Variants in DCC observed in about 807,000 individuals in gnomAD.
The protein encoded by DCC is DCC netrin 1 receptor.
Under a neutral mutation model 172.5 loss-of-function variants are expected in DCC, and 58 were observed. The ratio of observed to expected loss-of-function variants is 0.34; its 90% CI spans 0.27 to 0.42. DCC has a LOEUF of 0.42. DCC is among the 10% of genes least tolerant of loss of function. The pLI is 1.00. For synonymous variants in DCC, 709 were observed against 644.5 expected (o/e 1.10, Z -1.52); for missense variants, 1,740 against 1,791.0 (o/e 0.97, Z 0.51).
chr18:52,983,267 C>T (rs933977078), intron 5 of DCC, among the ~76,000 whole-genome samples: 1 of 152,094 alleles, frequency 6.6e-6, no homozygotes, highest in Non-Finnish European at 1.5e-5. Context: ...GGGGCAAAGA[C>T]ATTTACAAGA....
chr18:52,753,388 AAACAAAAC>A (rs2037030205), intron 2 of DCC, among the ~76,000 whole-genome samples: 1 of 152,202 alleles, frequency 6.6e-6, no homozygotes, highest in Non-Finnish European at 1.5e-5. Context: ...TTATTTTTTT[AAACAAAAC>A]TGTTTCAAGT....
At chr18:52,963,352 T>C (rs1041396071) in intron 5 of DCC, among the ~76,000 whole-genome samples, 5 of 151,928 alleles carry the variant, frequency 3.3e-5, no homozygotes, top group African/African-American at 1.2e-4. Flanking sequence ...GAGAATGATA[T>C]TAAATTGATA....
chr18:53,359,827 C>G (rs1045978714), intron 15 of DCC, among the ~76,000 whole-genome samples: 2 of 152,094 alleles, frequency 1.3e-5, no homozygotes, highest in Non-Finnish European at 2.9e-5. Flanking sequence ...TTCTGATGCT[C>G]TTACTTTGGA....
At chr18:53,262,966 C>A (rs2056623585) in intron 12 of DCC, among the ~76,000 whole-genome samples, 1 of 152,100 alleles carries the variant, frequency 6.6e-6, no homozygotes, top group South Asian at 2.1e-4. Flanking sequence ...ATAAGCATAT[C>A]TGTAGATTTA....
chr18:52,847,154 A>G (rs1275321675), intron 2 of DCC, among the ~76,000 whole-genome samples: 1 of 152,190 alleles, frequency 6.6e-6, no homozygotes, highest in Admixed American at 6.5e-5. Context: ...AACATGTTTT[A>G]TATTCTCAAT....
chr18:52,613,122 A>C (rs1814659313), intron 1 of DCC, among the ~76,000 whole-genome samples: 1 of 152,208 alleles, frequency 6.6e-6, no homozygotes. Flanking sequence ...AGTGATAGGG[A>C]TGCTTCATTT....
In DCC at chr18:53,069,123, T is replaced by A. The variant is rs551475685; in HGVS notation, c.1261+2957T>A. 2.6e-5 allele frequency among the ~76,000 whole-genome samples: 4 copies of A among 152,154 alleles called. No individual in the cohort carries two copies. In the South Asian group the frequency reaches 8.3e-4, roughly 32 times the overall value. On this transcript the variant is annotated intron_variant, in intron 7 of 28. Transcript: ENST00000442544. ...GATGGAAGTACAGTAACACCAAAGTTTTCTGACCTAATGGCAGGATTTATG... is the reference window on the plus strand; with the variant it reads ...GATGGAAGTACAGTAACACCAAAGTATTCTGACCTAATGGCAGGATTTATG...
intron 2 of DCC, among the ~76,000 whole-genome samples, chr18:52,854,646 T>A (rs1330908027): frequency 6.6e-6 from 1 of 152,236 alleles, no homozygotes; most frequent in Non-Finnish European, 1.5e-5. Context: ...AGGTAACTAT[T>A]CTTTTCTGTT....
intron 21 of DCC, among the ~76,000 whole-genome samples, chr18:53,423,915 A>G (rs936253944): frequency 6.6e-6 from 1 of 152,192 alleles, no homozygotes; most frequent in African/African-American, 2.4e-5. Flanking sequence ...GATAAGTTTT[A>G]CCATTGAATG....
At chr18:53,492,720 A>G (rs1341569051) in intron 26 of DCC, among the ~76,000 whole-genome samples, 1 of 152,134 alleles carries the variant, frequency 6.6e-6, no homozygotes, top group East Asian at 1.9e-4. Flanking sequence ...CTTGTAGAAT[A>G]TTTTGAAGTC....
chr18:52,652,741 G>GTGTGTGTGTGTGTGT (rs1555709976), intron 1 of DCC, among the ~76,000 whole-genome samples: 516 of 43,110 alleles, frequency 0.012, 4 homozygotes, highest in East Asian at 0.054. Context: ...TGTGTGTGTG[G>GTGTGTGTGTGTGTGT]GTGGAGGAGG....
At chr18:52,734,419 C>T (rs1453449496) in intron 1 of DCC, among the ~76,000 whole-genome samples, 1 of 152,120 alleles carries the variant, frequency 6.6e-6, no homozygotes, top group Non-Finnish European at 1.5e-5. Flanking sequence ...CTTTATTTGA[C>T]ATTGTTGGCA....
intron 1 of DCC, among the ~76,000 whole-genome samples, chr18:52,540,667 C>T (rs1328708316): frequency 3.4e-5 from 4 of 117,540 alleles, no homozygotes; most frequent in African/African-American, 6.6e-5. Context: ...AGTGCAGTGG[C>T]GCTATCTCGG....
At chr18:53,339,050 A>G (rs1216264163) in intron 14 of DCC, among the ~76,000 whole-genome samples, 1 of 152,236 alleles carries the variant, frequency 6.6e-6, no homozygotes, top group Non-Finnish European at 1.5e-5. Flanking sequence ...AAACTCAGAG[A>G]AGTGAAATAA....
chr18:52,600,447 C>A (rs1384815517), intron 1 of DCC, among the ~76,000 whole-genome samples: 1 of 152,102 alleles, frequency 6.6e-6, no homozygotes, highest in Non-Finnish European at 1.5e-5. Context: ...GAAAACACAC[C>A]TAACTTATTT....
chr18:53,081,259 G>A (rs1212302265), intron 7 of DCC, among the ~76,000 whole-genome samples: 4 of 151,940 alleles, frequency 2.6e-5, no homozygotes, highest in Non-Finnish European at 5.9e-5. Context: ...TTCACAAATT[G>A]ATTTTGCAGA....
chr18:52,895,947 G>C (rs2145429499), intron 2 of DCC, among the ~76,000 whole-genome samples: 1 of 152,120 alleles, frequency 6.6e-6, no homozygotes, highest in Admixed American at 6.6e-5. Flanking sequence ...ACCACACTTG[G>C]CTCATTTTTG....
At chr18:52,742,368 A>G (rs1287388734) in intron 1 of DCC, among the ~76,000 whole-genome samples, 5 of 152,142 alleles carry the variant, frequency 3.3e-5, no homozygotes, top group African/African-American at 7.2e-5. Flanking sequence ...GACATTGTAC[A>G]TATTTTCTCA....
intron 8 of DCC, among the ~76,000 whole-genome samples, chr18:53,177,439 A>G (rs2055121418): frequency 6.6e-6 from 1 of 152,222 alleles, no homozygotes; most frequent in Admixed American, 6.5e-5. Flanking sequence ...TAGCAGTGCT[A>G]GTTAAAATGA....
Sources: allele counts gnomAD v4.1 joint callset (sites outside exome capture counted in the v4.1 genomes callset), GRCh38; gene constraint gnomAD v4.1.1; transcripts MANE v1.5; gene names NCBI Gene and HGNC (gene_info 2026-07-23, HGNC 2026-07-21).